CSMD1: variants seen among roughly 807,000 people sequenced by gnomAD.
The protein encoded by CSMD1 is CUB and sushi domain-containing protein 1.
CSMD1 carries 213 observed loss-of-function variants against 417.5 expected under a neutral mutation model. That is an observed-to-expected ratio of 0.51 (90% CI 0.46 to 0.57). The LOEUF is 0.57. Among genes scored for constraint, CSMD1 ranks in the 20% least tolerant of loss-of-function variants. The pLI is 0.00. For synonymous variants in CSMD1, 2,862 were observed against 1,736.8 expected (o/e 1.65, Z -16.11); for missense variants, 6,923 against 4,529.7 (o/e 1.53, Z -15.17).
At chr8:4,399,336 C>T (rs973298961) in intron 3 of CSMD1, among the ~76,000 whole-genome samples, 2 of 152,066 alleles carry the variant, frequency 1.3e-5, no homozygotes, top group African/African-American at 2.4e-5. Flanking sequence ...AAACAATACA[C>T]CATATAGTGA....
At chr8:4,237,964 G>A (rs770076342) in intron 3 of CSMD1, among the ~76,000 whole-genome samples, 2 of 152,182 alleles carry the variant, frequency 1.3e-5, no homozygotes, top group Admixed American at 1.3e-4. Flanking sequence ...GTTGTCTCCT[G>A]GGTTGGCTCA....
intron 37 of CSMD1, among the ~76,000 whole-genome samples, chr8:3,179,806 C>A (rs1041032528): frequency 6.6e-6 from 1 of 152,216 alleles, no homozygotes; most frequent in Non-Finnish European, 1.5e-5. Context: ...ACACATCCTA[C>A]ATAAGTAACA....
At chr8:4,018,170 A>C (rs73503257) in intron 4 of CSMD1, among the ~76,000 whole-genome samples, 13,842 of 152,252 alleles carry the variant, frequency 0.091, 675 homozygotes, top group Middle Eastern at 0.13. Context: ...CCTTTATAAA[A>C]AATAAATACA....
intron 5 of CSMD1, among the ~76,000 whole-genome samples, chr8:3,984,822 G>A (rs1454859680): frequency 1.4e-5 from 2 of 146,184 alleles, no homozygotes; most frequent in East Asian, 2.0e-4. Flanking sequence ...AAAACTAGAG[G>A]GAATGGAAGA....
At chr8:3,481,078 C>T (rs1429260484) in intron 11 of CSMD1, among the ~76,000 whole-genome samples, 1 of 149,634 alleles carries the variant, frequency 6.7e-6, no homozygotes, top group African/African-American at 2.5e-5. Context: ...GTGCTTTGAA[C>T]CCAGAAGGCG....
At chr8:4,045,741 C>T (rs1438484423) in intron 3 of CSMD1, among the ~76,000 whole-genome samples, 2 of 152,160 alleles carry the variant, frequency 1.3e-5, no homozygotes, top group Non-Finnish European at 2.9e-5. Flanking sequence ...GTGTGAACAC[C>T]AGTGAACTGT....
At chr8:3,789,173 A>C (rs758364427) in intron 5 of CSMD1, among the ~76,000 whole-genome samples, 3 of 152,070 alleles carry the variant, frequency 2.0e-5, no homozygotes, top group Non-Finnish European at 4.4e-5. Context: ...TGACCTTTCC[A>C]CTATGTGAGG....
intron 1 of CSMD1, among the ~76,000 whole-genome samples, chr8:4,904,307 TA>T (rs1356553819): frequency 2.6e-5 from 4 of 152,250 alleles, no homozygotes; most frequent in Admixed American, 1.3e-4. Context: ...TATTTCCCAT[TA>T]AAAAATCAAT....
intron 5 of CSMD1, among the ~76,000 whole-genome samples, chr8:3,755,331 G>C (rs557955716): frequency 6.6e-6 from 1 of 152,172 alleles, no homozygotes; most frequent in African/African-American, 2.4e-5. Flanking sequence ...ATCAAGGGTC[G>C]AAAGATGATA....
intron 7 of CSMD1, among the ~76,000 whole-genome samples, chr8:3,700,107 G>T (rs1249595281): frequency 1.3e-5 from 2 of 152,138 alleles, no homozygotes; most frequent in Admixed American, 1.3e-4. Flanking sequence ...GACGTTGGGG[G>T]AAGAGTGGGA....
chr8:4,604,675 T>G (rs553266403), intron 2 of CSMD1, among the ~76,000 whole-genome samples: 27 of 152,304 alleles, frequency 1.8e-4, no homozygotes, highest in Non-Finnish European at 2.8e-4. Flanking sequence ...TTATCCTCTT[T>G]CCAAACTATG....
In CSMD1 at chr8:4,256,607, C is replaced by T. The variant is rs951069623; in HGVS notation, c.415+163346G>A. ...GGTTTACCCTCACTTTAGAGAAAAC[C>T]ACCTTGAGAATCAGTGAGACCCATG... On this transcript the variant is annotated intron_variant, in intron 3 of 69. Transcript: ENST00000635120. Among the ~76,000 whole-genome samples the T allele has an allele frequency of 3.3e-5, 5 of 152,056 alleles. No homozygotes were observed. The East Asian group carries it at 5.8e-4, about 18-fold the overall frequency.
chr8:4,331,229 C>A (rs945128340), intron 3 of CSMD1, among the ~76,000 whole-genome samples: 1 of 152,144 alleles, frequency 6.6e-6, no homozygotes, highest in African/African-American at 2.4e-5. Flanking sequence ...CCAGGTGAGT[C>A]CCTGTGGGAA....
chr8:3,359,099 G>T, intron 21 of CSMD1, 53 bp downstream of exon 21: 3 of 1,573,308 alleles, frequency 1.9e-6, no homozygotes, highest in South Asian at 2.2e-5. Context: ...CTTCTTGCCT[G>T]GGCTAGACCC....
chr8:4,234,016 G>T (rs1165882589), intron 3 of CSMD1, among the ~76,000 whole-genome samples: 1 of 152,080 alleles, frequency 6.6e-6, no homozygotes, highest in Non-Finnish European at 1.5e-5. Context: ...AGAGGTTCTG[G>T]CATCTGGTTA....
At chr8:4,863,847 A>G (rs1302641257) in intron 1 of CSMD1, among the ~76,000 whole-genome samples, 1 of 152,064 alleles carries the variant, frequency 6.6e-6, no homozygotes, top group Non-Finnish European at 1.5e-5. Context: ...AATTTTTTAT[A>G]CTTTTTCTTG....
At chr8:3,651,292 G>C (rs1421677363) in intron 7 of CSMD1, among the ~76,000 whole-genome samples, 1 of 152,048 alleles carries the variant, frequency 6.6e-6, no homozygotes, top group Non-Finnish European at 1.5e-5. Flanking sequence ...TTGAGTAAAA[G>C]CCCAAATCCT....
intron 5 of CSMD1, among the ~76,000 whole-genome samples, chr8:3,963,900 T>G (rs1388349912): frequency 6.6e-6 from 1 of 152,224 alleles, no homozygotes; most frequent in African/African-American, 2.4e-5. Context: ...GAAGAATTTC[T>G]AACTCATTGT....
At chr8:2,946,109 T>C (rs930787520) in intron 68 of CSMD1, among the ~76,000 whole-genome samples, 2 of 152,164 alleles carry the variant, frequency 1.3e-5, no homozygotes, top group Admixed American at 6.5e-5. Context: ...AGTAACACCG[T>C]GCACTATGAC....
Sources: gnomAD v4.1 joint callset for allele counts (sites outside exome capture counted in the v4.1 genomes callset) on GRCh38, gnomAD v4.1.1 for gene constraint, MANE v1.5 for transcripts, NCBI Gene and HGNC (gene_info 2026-07-23, HGNC 2026-07-21) for gene names.